PTPRT: variants seen among roughly 807,000 people sequenced by gnomAD.
PTPRT encodes protein tyrosine phosphatase receptor type T, also known as receptor-type tyrosine-protein phosphatase T.
Under a neutral mutation model 176.8 loss-of-function variants are expected in PTPRT, and 56 were observed. The ratio of observed to expected loss-of-function variants is 0.32; its 90% CI spans 0.26 to 0.40. The LOEUF (loss-of-function observed/expected upper bound fraction) is 0.40, where lower values mean the gene tolerates loss of function less well. PTPRT is among the 10% of genes least tolerant of loss of function. The probability of loss-of-function intolerance (pLI) is 1.00; values close to 1 mark genes in which losing one functional copy is unlikely to be tolerated. For missense variants in PTPRT, 1,540 were observed against 1,908.2 expected (o/e 0.81, Z 3.60); for synonymous variants, 783 against 739.0 (o/e 1.06, Z -0.96).
chr20:42,725,835 A>G lies in PTPRT; in HGVS notation c.859+30627T>C, dbSNP rs556157694. Among the ~76,000 whole-genome samples, 28 of 151,958 alleles carry G rather than the reference A, an allele frequency of 1.8e-4. No individual in the cohort carries two copies. The East Asian group carries it at 5.0e-3, about 27-fold the overall frequency. ...TTACTGGGTATATACCCAAATTAAT[A>G]TACATCATTCTATTACAAAGATACA... On this transcript the variant is annotated intron_variant, in intron 6 of 30. Transcript: ENST00000373187.
intron 12 of PTPRT, among the ~76,000 whole-genome samples, chr20:42,301,099 T>C (rs2057461510): frequency 6.6e-6 from 1 of 152,202 alleles, no homozygotes; most frequent in Non-Finnish European, 1.5e-5. Flanking sequence ...TCTAGAAATA[T>C]GTGTGTACAA....
chr20:43,012,392 A>G (rs1291617467), intron 1 of PTPRT, among the ~76,000 whole-genome samples: 1 of 152,208 alleles, frequency 6.6e-6, no homozygotes, highest in Non-Finnish European at 1.5e-5. Flanking sequence ...TTACAGAGAC[A>G]TAAAGTAAAA....
At chr20:43,120,290 T>TA (rs397687598) in intron 1 of PTPRT, among the ~76,000 whole-genome samples, 8 of 151,800 alleles carry the variant, frequency 5.3e-5, no homozygotes, top group South Asian at 2.1e-4. Context: ...TTTTTTTTTT[T>TA]AAATGGAGTC....
In PTPRT at chr20:42,632,241, T is replaced by C. The variant is rs76056713; in HGVS notation, c.1153+45625A>G. 8.1e-3 allele frequency among the ~76,000 whole-genome samples: 1,226 copies of C among 152,244 alleles called. 7 individuals carry two copies. The highest frequency in any genetic ancestry group is 0.017 in the Admixed American group (262 of 15,296). ...TGCTGTTTTTGTTGTTGTTGTTGTT[T>C]TGTTTTTTTGTTTTTGAGACGGAGT... On this transcript the variant is annotated intron_variant, in intron 7 of 30. Coordinates refer to ENST00000373187, the MANE Select transcript of PTPRT (RefSeq NM_007050.6).
At chr20:42,361,499 T>C (rs2058431543) in intron 9 of PTPRT, among the ~76,000 whole-genome samples, 1 of 152,160 alleles carries the variant, frequency 6.6e-6, no homozygotes. Flanking sequence ...GATTAGGTCA[T>C]GAAGGCAATG....
intron 1 of PTPRT, among the ~76,000 whole-genome samples, chr20:42,898,854 G>A (rs1417220253): frequency 1.3e-5 from 2 of 152,270 alleles, no homozygotes; most frequent in East Asian, 3.9e-4. Flanking sequence ...TCAACCTGCC[G>A]AGGAGAGGCT....
intron 8 of PTPRT, among the ~76,000 whole-genome samples, chr20:42,467,290 A>G (rs2071116769): frequency 6.6e-6 from 1 of 152,202 alleles, no homozygotes; most frequent in Non-Finnish European, 1.5e-5. Context: ...ATACTTTACA[A>G]AAGAAAAAAG....
chr20:42,425,630 T>C (rs1012767328), intron 9 of PTPRT, among the ~76,000 whole-genome samples: 1 of 152,216 alleles, frequency 6.6e-6, no homozygotes, highest in Non-Finnish European at 1.5e-5. Flanking sequence ...CCTCTCACCA[T>C]GAACAACATC....
intron 6 of PTPRT, among the ~76,000 whole-genome samples, chr20:42,738,761 C>T (rs1399709333): frequency 6.6e-6 from 1 of 152,088 alleles, no homozygotes; most frequent in Non-Finnish European, 1.5e-5. Context: ...GTGTATATTT[C>T]TATACTAATT....
chr20:42,851,392 A>T (rs2145760528), intron 2 of PTPRT, among the ~76,000 whole-genome samples: 1 of 152,248 alleles, frequency 6.6e-6, no homozygotes, highest in South Asian at 2.1e-4. Flanking sequence ...TATTAACTCT[A>T]ATCTTACTCA....
intron 10 of PTPRT, among the ~76,000 whole-genome samples, chr20:42,351,614 G>T (rs2058285086): frequency 6.6e-6 from 1 of 152,186 alleles, no homozygotes; most frequent in African/African-American, 2.4e-5. Flanking sequence ...CATTGTTGCT[G>T]TCTAGTGGCA....
chr20:42,573,745 C>CTT (rs201228742), intron 7 of PTPRT, among the ~76,000 whole-genome samples: 6 of 115,500 alleles, frequency 5.2e-5, no homozygotes, highest in South Asian at 3.2e-4. Context: ...CCCTTTCTTT[C>CTT]TTTCTTTTTT....
chr20:42,082,345 ACT>A (rs1983414864), intron 29 of PTPRT, among the ~76,000 whole-genome samples: 1 of 152,164 alleles, frequency 6.6e-6, no homozygotes, highest in Non-Finnish European at 1.5e-5. Context: ...CTCAGGGCAC[ACT>A]CACCCAAACC....
chr20:43,114,289 A>G (rs1380594833), intron 1 of PTPRT, among the ~76,000 whole-genome samples: 1 of 152,154 alleles, frequency 6.6e-6, no homozygotes, highest in African/African-American at 2.4e-5. Flanking sequence ...TATATGTGTA[A>G]TGGTTTAGAA....
chr20:42,691,642 C>T (rs1319245960), intron 6 of PTPRT, among the ~76,000 whole-genome samples: 2 of 152,170 alleles, frequency 1.3e-5, no homozygotes, highest in African/African-American at 4.8e-5. Context: ...CCCTCATTCC[C>T]CTAGGGCTGC....
At chr20:42,300,265 A>G (rs1449678693) in intron 12 of PTPRT, among the ~76,000 whole-genome samples, 1 of 150,990 alleles carries the variant, frequency 6.6e-6, no homozygotes, top group African/African-American at 2.4e-5. Flanking sequence ...CTCAAAAAAA[A>G]AAAAAAAAAA....
intron 9 of PTPRT, among the ~76,000 whole-genome samples, chr20:42,405,936 G>T (rs2058957097): frequency 6.6e-6 from 1 of 152,168 alleles, no homozygotes; most frequent in African/African-American, 2.4e-5. Context: ...TAAAAAGAAA[G>T]CCTTAACTTC....
In PTPRT at chr20:43,032,474, A is replaced by T. The variant is rs1032095880; in HGVS notation, c.89-146542T>A. ...ACCCACTGTCCCAAATCTTTTCATT[A>T]AAAAAAAAAAAAAAAAACAGTGGCA... On this transcript the variant is annotated intron_variant, in intron 1 of 30. Coordinates refer to ENST00000373187, the MANE Select transcript of PTPRT (RefSeq NM_007050.6). Among the ~76,000 whole-genome samples, 3 of 47,028 alleles carry T rather than the reference A, an allele frequency of 6.4e-5. No individual in the cohort carries two copies. The African/African-American group carries it at 1.9e-3, about 30-fold the overall frequency. The allele number at this position is 47,028 out of a possible 152,430, so 30.9% of individuals were successfully genotyped here.
intron 6 of PTPRT, among the ~76,000 whole-genome samples, chr20:42,691,367 C>A (rs145050035): frequency 3.7e-3 from 558 of 152,326 alleles, no homozygotes; most frequent in African/African-American, 0.013. Flanking sequence ...CAGAAGGTGT[C>A]TGTGGCTTTA....
Sources: allele counts gnomAD v4.1 joint callset (sites outside exome capture counted in the v4.1 genomes callset), GRCh38; gene constraint gnomAD v4.1.1; transcripts MANE v1.5; gene names NCBI Gene and HGNC (gene_info 2026-07-23, HGNC 2026-07-21).